The following USP35 variants were observed in gnomAD, a reference collection of about 807,000 sequenced individuals.
USP35 encodes ubiquitin specific peptidase 35.
In USP35, 69 loss-of-function variants were observed where a neutral mutation model predicts 83.8. That is an observed-to-expected ratio of 0.82 (90% CI 0.68 to 1.01). The LOEUF is 1.01. USP35 is among the 50% of genes least tolerant of loss of function. The pLI is 0.00. For missense variants in USP35, 1,503 were observed against 1,362.5 expected, an observed-to-expected ratio of 1.10 and a Z score of -1.62; for synonymous variants, 714 against 589.5, an observed-to-expected ratio of 1.21 and a Z score of -3.06.
the USP35 span, among the ~76,000 whole-genome samples, chr11:78,225,440 C>T: frequency 4.5e-4 from 68 of 152,312 alleles, no homozygotes; most frequent in Middle Eastern, 6.8e-3. Flanking sequence ...ACTACTCTAC[C>T]CTCATCTATG....
chr11:78,215,254 C>T (rs1261451516), downstream of USP35: 2 of 152,588 alleles, frequency 1.3e-5, no homozygotes, highest in African/African-American at 4.8e-5. Context: ...ACGGGTTCCA[C>T]CACCAAGCCC....
chr11:78,236,651 T>C, the USP35 span, among the ~76,000 whole-genome samples: 1 of 152,198 alleles, frequency 6.6e-6, no homozygotes, highest in Admixed American at 6.5e-5. Context: ...AATTCATAGT[T>C]TGCTAAGAAA....
the USP35 span, among the ~76,000 whole-genome samples, chr11:78,235,234 G>A: frequency 1.3e-5 from 2 of 151,768 alleles, no homozygotes; most frequent in Non-Finnish European, 2.9e-5. Context: ...CTCACTGCAA[G>A]CTCCGCCTCC....
At chr11:78,191,724 T>C (rs1258208422) in intron 1 of USP35, among the ~76,000 whole-genome samples, 1 of 152,020 alleles carries the variant, frequency 6.6e-6, no homozygotes, top group Non-Finnish European at 1.5e-5. Flanking sequence ...GGAAATGCCT[T>C]GGAGAATCAG....
intron 1 of USP35, among the ~76,000 whole-genome samples, chr11:78,192,225 G>A (rs1057273320): frequency 6.6e-6 from 1 of 152,216 alleles, no homozygotes. Context: ...TCTCCTCGGG[G>A]AGGACATGGC....
the USP35 span, chr11:78,226,946 A>G: frequency 6.2e-7 from 1 of 1,613,744 alleles, no homozygotes. Context: ...GGACTTGACC[A>G]CTGATCCCGT....
chr11:78,207,524 T>C lies in USP35; in HGVS notation c.1392-6T>C, dbSNP rs1359575956. On this transcript the variant is annotated splice_region_variant and splice_polypyrimidine_tract_variant and intron_variant, in intron 7 of 10. Transcript: ENST00000529308. ...TTACCCTGGGTGCCCCTGCTTTGTTTTGAAGCTTCAGACATTGTGTGCTCC... is the reference window on the plus strand; with the variant it reads ...TTACCCTGGGTGCCCCTGCTTTGTTCTGAAGCTTCAGACATTGTGTGCTCC... 1.2e-6 allele frequency: 2 copies of C among 1,613,952 alleles called. No homozygotes were observed. The highest frequency in any genetic ancestry group is 1.3e-5 in the African/African-American group (1 of 75,042).
At chr11:78,203,652 C>G (rs1336858258) in intron 6 of USP35, among the ~76,000 whole-genome samples, 9 of 151,642 alleles carry the variant, frequency 5.9e-5, no homozygotes, top group Non-Finnish European at 1.3e-4. Flanking sequence ...GATCTCGGCT[C>G]ATTGCAAGCT....
rs1863671586 is a variant in USP35, at chr11:78,209,775, T to G, written c.1920T>G (p.Pro640=). 3 of 1,613,532 alleles carry G rather than the reference T, an allele frequency of 1.9e-6. No homozygotes were observed. Among genetic ancestry groups the G allele is most frequent in the African/African-American group, 1.3e-5 (1 of 74,716 alleles). ...TSAQGPGRVG[P]RRQRKHCITE... ...CACAGGGGCCAGGCAGGGTGGGTCC[T>G]CGGAGGCAAAGGAAACACTGCATCA... The change falls in exon 10 of 11, where the codon CCT becomes CCG. Residue 640 remains proline (P), a synonymous_variant. Coordinates refer to ENST00000529308, the MANE Select transcript of USP35 (RefSeq NM_020798.4).
Position 78,196,783 on chromosome 11 carries a change from G to A in USP35, c.538G>A (p.Glu180Lys). 1 of 1,533,768 alleles carries A rather than the reference G, an allele frequency of 6.5e-7. No homozygotes were observed. Among genetic ancestry groups the A allele is most frequent in the South Asian group, 1.2e-5 (1 of 83,758 alleles). Residue 180 changes from glutamate (E) to lysine (K), a missense_variant, in exon 2 of 11, where the codon GAA (glutamate) becomes AAA (lysine). Glu to Lys is a moderately conservative substitution (Grantham distance 56, BLOSUM62 1). Coordinates refer to ENST00000529308, the MANE Select transcript of USP35 (RefSeq NM_020798.4). The surrounding 1 kb of genome is among the most constrained non-coding windows in gnomAD (Gnocchi z 4.8). ...CCTCGGCCGCTTCCGCTGCCCAGCC[G>A]AAGGCGAGGAGGGCGCCGTGGAGTT... ...RCLGRFRCPAEGEEGAVEFLE... is the reference protein window; with the variant it reads ...RCLGRFRCPAKGEEGAVEFLE...
At chr11:78,200,299 C>CT in intron 5 of USP35, 65 bp downstream of exon 5, 3 of 1,539,274 alleles carry the variant, frequency 1.9e-6, no homozygotes, top group Non-Finnish European at 2.7e-6. Context: ...AGGGCCCTGC[C>CT]TACTGCCCCT....
intron 10 of USP35, 92 bp downstream of exon 10, chr11:78,210,836 C>A: frequency 7.5e-7 from 1 of 1,342,176 alleles, no homozygotes; most frequent in Non-Finnish European, 9.9e-7. Flanking sequence ...CCCTCTAAGT[C>A]TTTTTTGTAA....
the USP35 span, among the ~76,000 whole-genome samples, chr11:78,230,770 C>G: frequency 6.6e-6 from 1 of 152,384 alleles, no homozygotes; most frequent in Non-Finnish European, 1.5e-5. Context: ...TTTGTTCTAG[C>G]AGCCAGGTCT....
chr11:78,219,503 T>G (rs1342017961), downstream of USP35: 11 of 1,223,534 alleles, frequency 9.0e-6, no homozygotes, highest in Non-Finnish European at 1.3e-5. Context: ...CTTCCTGAGC[T>G]GTCTGAAGGG....
intron 7 of USP35, among the ~76,000 whole-genome samples, chr11:78,206,361 C>A (rs1199276240): frequency 6.6e-6 from 1 of 152,214 alleles, no homozygotes; most frequent in African/African-American, 2.4e-5. Context: ...GCCACCCATC[C>A]TGGTATTAGA....
the USP35 span, chr11:78,227,067 G>T: frequency 3.3e-6 from 5 of 1,534,894 alleles, no homozygotes; most frequent in Admixed American, 5.0e-5. Flanking sequence ...AGAGAAAGAA[G>T]GGAAAGGGCA....
chr11:78,231,302 C>T, the USP35 span, among the ~76,000 whole-genome samples: 1 of 151,258 alleles, frequency 6.6e-6, no homozygotes, highest in Non-Finnish European at 1.5e-5. Flanking sequence ...TGCCACCATA[C>T]AGTCTCTCCC....
chr11:78,196,594 G>C lies in USP35; in HGVS notation c.349G>C (p.Ala117Pro), dbSNP rs1452157590. 7.9e-7 allele frequency: 1 copy of C among 1,264,226 alleles called. No homozygotes were observed. The highest frequency in any genetic ancestry group is 1.0e-6 in the Non-Finnish European group (1 of 1,004,668). The allele number at this position is 1,264,226 out of a possible 1,614,324, so 78.3% of individuals were successfully genotyped here. ...GLQLLPEGPA[A>P]DEVFALLRRE... ...GCAGCTGCTGCCCGAGGGGCCTGCG[G>C]CCGACGAGGTGTTCGCGCTGCTGCG... Residue 117 changes from alanine (A) to proline (P), a missense_variant, in exon 2 of 11, where the codon GCC (alanine) becomes CCC (proline). By Grantham distance (27) the Ala-to-Pro change is conservative (BLOSUM62 -1). Transcript: ENST00000529308. This position sits in a 1 kb window ranked among gnomAD's most constrained non-coding sequence, Gnocchi z 4.8.
At chr11:78,204,026 G>A (rs1304560978) in intron 6 of USP35, among the ~76,000 whole-genome samples, 1 of 149,006 alleles carries the variant, frequency 6.7e-6, no homozygotes, top group Non-Finnish European at 1.5e-5. Context: ...AAGTAGCTGG[G>A]ACTACAGGCG....
Sources: gnomAD v4.1 joint callset for allele counts (sites outside exome capture counted in the v4.1 genomes callset) on GRCh38, gnomAD v4.1.1 for gene constraint, Gnocchi (gnomAD v3.1) non-coding constraint, MANE v1.5 for transcripts, NCBI Gene and HGNC (gene_info 2026-07-23, HGNC 2026-07-21) for gene names.